The following MYO5B variants were observed in gnomAD, a reference collection of about 807,000 sequenced individuals.
The protein encoded by MYO5B is unconventional myosin-Vb.
MYO5B carries 143 observed loss-of-function variants against 229.3 expected under a neutral mutation model. The ratio of observed to expected loss-of-function variants is 0.62; its 90% CI spans 0.54 to 0.72. The LOEUF (loss-of-function observed/expected upper bound fraction) is 0.72. Ranked by LOEUF, MYO5B falls within the 30% of genes least tolerant of loss-of-function variation. The probability of loss-of-function intolerance (pLI) is 0.00; values close to 1 mark genes in which losing one functional copy is unlikely to be tolerated. For synonymous variants in MYO5B, 918 were observed against 885.2 expected, an observed-to-expected ratio of 1.04 and a Z score of -0.66; for missense variants, 2,321 against 2,331.0, an observed-to-expected ratio of 1.00 and a Z score of 0.09.
intron 12 of MYO5B, among the ~76,000 whole-genome samples, chr18:49,960,264 G>C (rs1188609227): frequency 1.3e-5 from 2 of 152,146 alleles, no homozygotes; most frequent in Non-Finnish European, 2.9e-5. Flanking sequence ...GAACTCAACT[G>C]TTCACAGTGC....
At chr18:50,070,787 G>A (rs1475786476) in intron 1 of MYO5B, among the ~76,000 whole-genome samples, 15 of 88,888 alleles carry the variant, frequency 1.7e-4, no homozygotes, top group Admixed American at 1.3e-4. Context: ...TGCACCCCCC[G>A]GCCCCTGCAC....
intron 1 of MYO5B, among the ~76,000 whole-genome samples, chr18:50,154,759 A>C (rs1169910405): frequency 6.6e-6 from 1 of 152,210 alleles, no homozygotes; most frequent in Non-Finnish European, 1.5e-5. Flanking sequence ...CTTTCCTAGC[A>C]CAAGGGCTTT....
chr18:50,060,323 C>A (rs753612566), intron 1 of MYO5B, among the ~76,000 whole-genome samples: 1 of 152,078 alleles, frequency 6.6e-6, no homozygotes, highest in Non-Finnish European at 1.5e-5. Flanking sequence ...ATTTTATGAG[C>A]CAGCCAAACT....
At chr18:49,883,672 C>T (rs1617597) in intron 22 of MYO5B, among the ~76,000 whole-genome samples, 29 of 151,814 alleles carry the variant, frequency 1.9e-4, no homozygotes, top group Non-Finnish European at 3.2e-4. Context: ...AATACCCAAA[C>T]GATCTTGAAG....
At chr18:50,065,557 G>A (rs906281990) in intron 1 of MYO5B, among the ~76,000 whole-genome samples, 1 of 152,128 alleles carries the variant, frequency 6.6e-6, no homozygotes, top group Non-Finnish European at 1.5e-5. Context: ...TGTAGGCAAA[G>A]CAGCATGGGG....
At chr18:49,943,597 T>C (rs1369262025) in intron 14 of MYO5B, among the ~76,000 whole-genome samples, 1 of 152,164 alleles carries the variant, frequency 6.6e-6, no homozygotes, top group Non-Finnish European at 1.5e-5. Context: ...GAAACTAGAT[T>C]GACTAGTTTG....
chr18:49,916,752 G>A (rs947641517), intron 17 of MYO5B, among the ~76,000 whole-genome samples: 6 of 152,172 alleles, frequency 3.9e-5, no homozygotes, highest in African/African-American at 1.4e-4. Flanking sequence ...TATGGGGTCT[G>A]GGAAAAGGGC....
chr18:50,076,577 G>T (rs2031083538), intron 1 of MYO5B, among the ~76,000 whole-genome samples: 1 of 152,084 alleles, frequency 6.6e-6, no homozygotes, highest in African/African-American at 2.4e-5. Flanking sequence ...CATAGCCTTG[G>T]GCTTGTCAAA....
chr18:49,901,329 A>T (rs1241311413), intron 21 of MYO5B, among the ~76,000 whole-genome samples: 2 of 152,190 alleles, frequency 1.3e-5, no homozygotes, highest in African/African-American at 2.4e-5. Context: ...GCATGCATAC[A>T]TGTGAGCCTC....
intron 7 of MYO5B, among the ~76,000 whole-genome samples, chr18:49,989,530 G>C (rs532970646): frequency 6.6e-6 from 1 of 152,082 alleles, no homozygotes; most frequent in African/African-American, 2.4e-5. Context: ...CTGGGCTCAA[G>C]GCTTGCCCTC....
chr18:49,864,779 C>A (rs981363347), intron 27 of MYO5B, among the ~76,000 whole-genome samples: 1 of 152,162 alleles, frequency 6.6e-6, no homozygotes, highest in Non-Finnish European at 1.5e-5. Flanking sequence ...AGAAAAGATA[C>A]AAGAATGCAG....
At chr18:49,833,776 A>G (rs897575001) in intron 39 of MYO5B, among the ~76,000 whole-genome samples, 1 of 152,180 alleles carries the variant, frequency 6.6e-6, no homozygotes, top group African/African-American at 2.4e-5. Flanking sequence ...CCAGGTTCAG[A>G]TATCTCAGTG....
At chr18:49,948,478 T>C (rs2025399008) in intron 14 of MYO5B, among the ~76,000 whole-genome samples, 1 of 152,224 alleles carries the variant, frequency 6.6e-6, no homozygotes, top group African/African-American at 2.4e-5. Context: ...TAAAAAGTTA[T>C]CCTACATAGT....
At chr18:49,997,365 CTTTCTT>C (rs2026000399) in intron 5 of MYO5B, among the ~76,000 whole-genome samples, 1 of 97,574 alleles carries the variant, frequency 1.0e-5, no homozygotes, top group East Asian at 3.2e-4. Flanking sequence ...AGCCTCCTTT[CTTTCTT>C]TTTTTTTTTT....
chr18:49,932,313 T>TG (rs1442490924), intron 16 of MYO5B, among the ~76,000 whole-genome samples: 1 of 152,142 alleles, frequency 6.6e-6, no homozygotes, highest in Non-Finnish European at 1.5e-5. Context: ...AGGGCAGGGT[T>TG]GGGGACATCG....
At chr18:49,978,015 T>G (rs1754613640) in intron 9 of MYO5B, among the ~76,000 whole-genome samples, 2 of 152,178 alleles carry the variant, frequency 1.3e-5, no homozygotes, top group Non-Finnish European at 2.9e-5. Flanking sequence ...GTCCACTAGC[T>G]CTCTGTACAG....
chr18:49,953,792 G>A (rs945655674), intron 13 of MYO5B, among the ~76,000 whole-genome samples: 6 of 152,090 alleles, frequency 3.9e-5, no homozygotes, highest in African/African-American at 1.4e-4. Flanking sequence ...CAGGCTCCAG[G>A]TAAGAAGCCA....
chr18:50,020,842 A>G (rs899013692), intron 4 of MYO5B, among the ~76,000 whole-genome samples: 1 of 152,220 alleles, frequency 6.6e-6, no homozygotes, highest in Non-Finnish European at 1.5e-5. Context: ...GGCCAGGGAG[A>G]TGGATGTTTT....
chr18:50,186,474 C>T (rs62101528), intron 1 of MYO5B, among the ~76,000 whole-genome samples: 3 of 152,166 alleles, frequency 2.0e-5, no homozygotes, highest in African/African-American at 7.2e-5. Flanking sequence ...ACTGCTCTTG[C>T]TCCTTCCCCA....
Sources: gnomAD v4.1 joint callset for allele counts (sites outside exome capture counted in the v4.1 genomes callset) on GRCh38, gnomAD v4.1.1 for gene constraint, MANE v1.5 for transcripts, NCBI Gene and HGNC (gene_info 2026-07-23, HGNC 2026-07-21) for gene names.